Variants in CLEC12A observed in about 807,000 individuals in gnomAD.
CLEC12A encodes the protein C-type lectin domain family 12 member A, also known as C-type lectin protein CLL-1.
CLEC12A carries 22 observed loss-of-function variants against 26.5 expected under a neutral mutation model. The observed-to-expected ratio is 0.83, with a 90% CI of 0.59 to 1.19. CLEC12A has a LOEUF of 1.19. CLEC12A is among the 50% of genes most tolerant of loss of function. The pLI is 0.00. For synonymous variants in CLEC12A, 119 were observed against 101.9 expected, an observed-to-expected ratio of 1.17 and a Z score of -1.01; for missense variants, 353 against 315.6, an observed-to-expected ratio of 1.12 and a Z score of -0.90.
At chr12:9,997,132 A>G, downstream of CLEC12A, 2 of 1,613,444 alleles carry the variant, frequency 1.2e-6, no homozygotes, top group South Asian at 1.1e-5. Flanking sequence ...GGTTGGAGAG[A>G]TGAAGAGGTT....
At chr12:10,004,107 G>A in the CLEC12A span, among the ~76,000 whole-genome samples, 6 of 152,228 alleles carry the variant, frequency 3.9e-5, no homozygotes, top group African/African-American at 1.2e-4. Flanking sequence ...GCATGCAGAC[G>A]GGCAGGTGCA....
intron 5 of CLEC12A, among the ~76,000 whole-genome samples, chr12:9,982,760 A>G (rs1335398798): frequency 6.6e-6 from 1 of 152,144 alleles, no homozygotes; most frequent in Non-Finnish European, 1.5e-5. Context: ...ACTGTACCCA[A>G]CAGGTAATTT....
chr12:9,953,830 TAGACATGGG>T (rs1230560038), intron 1 of CLEC12A, among the ~76,000 whole-genome samples: 1 of 151,904 alleles, frequency 6.6e-6, no homozygotes, highest in African/African-American at 2.4e-5. Context: ...TAGAAAGAAG[TAGACATGGG>T]AGACTTTTCA....
chr12:9,996,682 T>C (rs1865055970), downstream of CLEC12A: 3 of 750,750 alleles, frequency 4.0e-6, no homozygotes, highest in Non-Finnish European at 7.0e-6. Context: ...TATGAGTGGA[T>C]TGAATATCTG....
rs1410258188 is a variant in CLEC12A, at chr12:9,971,590, T to G, written c.-7T>G. On this transcript the variant is annotated 5_prime_UTR_variant, in exon 1 of 6. Coordinates refer to ENST00000304361, the MANE Select transcript of CLEC12A (RefSeq NM_138337.6). ...CACTTTGTCAAGATTTCTTTACATATTCATCAATGTCTGAAGAAGTTACTT... is the reference window on the plus strand; with the variant it reads ...CACTTTGTCAAGATTTCTTTACATAGTCATCAATGTCTGAAGAAGTTACTT... 1 of 1,601,508 alleles carries G rather than the reference T, an allele frequency of 6.2e-7. No homozygotes were observed. The highest frequency in any genetic ancestry group is 8.5e-7 in the Non-Finnish European group (1 of 1,174,298).
At chr12:9,970,230 T>A (rs1253236132), upstream of CLEC12A, among the ~76,000 whole-genome samples, 1 of 152,056 alleles carries the variant, frequency 6.6e-6, no homozygotes, top group Non-Finnish European at 1.5e-5. Context: ...TTTTTTCTTT[T>A]CTTCAATAGT....
downstream of CLEC12A, chr12:9,997,092 C>T: frequency 1.2e-6 from 2 of 1,609,458 alleles, no homozygotes; most frequent in South Asian, 1.1e-5. Context: ...CTCAAACTCC[C>T]TTCAGTTGCC....
intron 1 of CLEC12A, among the ~76,000 whole-genome samples, chr12:9,976,471 T>C (rs1301429122): frequency 6.6e-6 from 1 of 152,216 alleles, no homozygotes; most frequent in Non-Finnish European, 1.5e-5. Context: ...AGCCCCTTTG[T>C]TTTGGCCAAT....
At chr12:10,002,734 A>G in the CLEC12A span, among the ~76,000 whole-genome samples, 6 of 152,146 alleles carry the variant, frequency 3.9e-5, no homozygotes, top group South Asian at 2.1e-4. Context: ...GAGCCACCGC[A>G]CCCGGCAATT....
chr12:9,971,046 C>A (rs570793214), upstream of CLEC12A, among the ~76,000 whole-genome samples: 30 of 152,260 alleles, frequency 2.0e-4, no homozygotes, highest in South Asian at 6.0e-3. Context: ...GGAGTGCTCT[C>A]TGTATGTTCA....
downstream of CLEC12A, among the ~76,000 whole-genome samples, chr12:9,990,174 A>G (rs1056612758): frequency 6.6e-6 from 1 of 152,218 alleles, no homozygotes; most frequent in African/African-American, 2.4e-5. Flanking sequence ...GCAACCAACA[A>G]ATCAAGGAGT....
At chr12:9,963,127 CAG>C (rs35038273) in intron 1 of CLEC12A, among the ~76,000 whole-genome samples, 7 of 152,144 alleles carry the variant, frequency 4.6e-5, no homozygotes, top group East Asian at 1.9e-4. Context: ...AAAAACTAAA[CAG>C]AATAAGAGAA....
At chr12:9,994,433 GTAA>G (rs1864980187) in intron 4 of CLEC12A, among the ~76,000 whole-genome samples, 1 of 152,026 alleles carries the variant, frequency 6.6e-6, no homozygotes, top group African/African-American at 2.4e-5. Flanking sequence ...CATAATTTGA[GTAA>G]TAATCAGATT....
chr12:9,991,154 G>C (rs1305693131), intron 4 of CLEC12A: 1 of 152,172 alleles, frequency 6.6e-6, no homozygotes, highest in African/African-American at 2.4e-5. Flanking sequence ...AGGCATGCCT[G>C]TAAGTTAGTT....
downstream of CLEC12A, among the ~76,000 whole-genome samples, chr12:9,996,555 A>G (rs1865052583): frequency 6.6e-6 from 1 of 152,066 alleles, no homozygotes; most frequent in Non-Finnish European, 1.5e-5. Context: ...AACAGAGGAC[A>G]CAAATAAATA....
chr12:9,998,367 G>A (rs958475583), downstream of CLEC12A: 12 of 1,613,740 alleles, frequency 7.4e-6, no homozygotes, highest in Middle Eastern at 1.6e-4. Flanking sequence ...ACCAGGAGGA[G>A]GATGCAGAGC....
intron 1 of CLEC12A, among the ~76,000 whole-genome samples, chr12:9,962,449 G>T (rs918803573): frequency 2.6e-5 from 4 of 151,842 alleles, no homozygotes; most frequent in African/African-American, 7.3e-5. Context: ...ACTCACATCC[G>T]TGTGAAGAGA....
intron 5 of CLEC12A, chr12:9,983,830 T>C: frequency 3.2e-6 from 1 of 307,898 alleles, no homozygotes; most frequent in Admixed American, 4.9e-5. Flanking sequence ...TGGTTGGCAA[T>C]GATAGGATAC....
chr12:9,980,781 A>G (rs1864527059), intron 4 of CLEC12A, 48 bp downstream of exon 4: 3 of 1,589,192 alleles, frequency 1.9e-6, no homozygotes, highest in Non-Finnish European at 2.6e-6. Flanking sequence ...GGGGTGTGGC[A>G]TGTTGGAGAA....
Sources: gnomAD v4.1 joint callset for allele counts (sites outside exome capture counted in the v4.1 genomes callset) on GRCh38, gnomAD v4.1.1 for gene constraint, MANE v1.5 for transcripts, NCBI Gene and HGNC (gene_info 2026-07-23, HGNC 2026-07-21) for gene names.